The following FAM83D variants were observed in gnomAD, a reference collection of about 807,000 sequenced individuals.
The protein encoded by FAM83D is protein FAM83D.
A neutral mutation model predicts 25.4 loss-of-function variants in FAM83D; 26 were observed. The ratio of observed to expected loss-of-function variants is 1.02; its 90% CI spans 0.75 to 1.42. FAM83D has a LOEUF of 1.42. FAM83D is among the 40% of genes most tolerant of loss of function. The probability of loss-of-function intolerance (pLI) is 0.00; values close to 1 mark genes in which losing one functional copy is unlikely to be tolerated. For missense variants in FAM83D, 740 were observed against 758.1 expected, an observed-to-expected ratio of 0.98 and a Z score of 0.28; for synonymous variants, 310 against 318.5, an observed-to-expected ratio of 0.97 and a Z score of 0.28.
intron 1 of FAM83D, among the ~76,000 whole-genome samples, chr20:38,927,458 G>T (rs552191173): frequency 1.7e-3 from 256 of 150,894 alleles, no homozygotes; most frequent in Middle Eastern, 3.5e-3. Flanking sequence ...ATAAACACGA[G>T]AGTGGCAAAG....
intron 1 of FAM83D, among the ~76,000 whole-genome samples, chr20:38,939,537 G>T (rs1426152851): frequency 1.3e-5 from 2 of 152,122 alleles, no homozygotes; most frequent in East Asian, 3.9e-4. Flanking sequence ...TTTTAGTAGA[G>T]ATGGGGTTTT....
At position 38,930,838 on chromosome 20, in the gene FAM83D, A is replaced by G. The variant is rs375542388; in HGVS notation, c.483+3913A>G. Among the ~76,000 whole-genome samples the G allele has an allele frequency of 1.2e-4, 19 of 152,174 alleles. No individual in the cohort carries two copies. In the East Asian group the frequency reaches 2.9e-3, roughly 23 times the overall value. On this transcript the variant is annotated intron_variant, in intron 1 of 3. Coordinates refer to ENST00000619850, the MANE Select transcript of FAM83D (RefSeq NM_030919.3). ...TTTTTAGTAGAGATGGGGTTTCGCC[A>G]TGTTGGCCAGGCTGGTCTTGATCTC...
intron 1 of FAM83D, among the ~76,000 whole-genome samples, chr20:38,937,768 A>G (rs532165202): frequency 2.6e-5 from 4 of 152,176 alleles, no homozygotes; most frequent in African/African-American, 9.6e-5. Context: ...GAAGTTGGAG[A>G]CCATCCTGGG....
intron 1 of FAM83D, among the ~76,000 whole-genome samples, chr20:38,931,722 TC>T (rs1289224242): frequency 6.6e-6 from 1 of 152,252 alleles, no homozygotes; most frequent in East Asian, 1.9e-4. Context: ...TAGGGCCTAA[TC>T]CTGGCTTTGC....
At chr20:38,942,463 A>G (rs2085707098) in intron 2 of FAM83D, among the ~76,000 whole-genome samples, 1 of 152,260 alleles carries the variant, frequency 6.6e-6, no homozygotes, top group African/African-American at 2.4e-5. Flanking sequence ...ACAATAGCAT[A>G]CTATTCACCT....
At chr20:38,942,425 G>A (rs543610797) in intron 2 of FAM83D, among the ~76,000 whole-genome samples, 2 of 152,348 alleles carry the variant, frequency 1.3e-5, no homozygotes, top group East Asian at 3.9e-4. Context: ...CAACTGATAA[G>A]TGGATAAATG....
chr20:38,929,837 T>A (rs57769897), intron 1 of FAM83D, among the ~76,000 whole-genome samples: 21,696 of 151,642 alleles, frequency 0.14, 1,657 homozygotes, highest in Middle Eastern at 0.19. Context: ...CCAGGCACTG[T>A]TCTAGGTGAT....
At chr20:38,950,541 T>C (rs1234088351) in intron 3 of FAM83D, among the ~76,000 whole-genome samples, 1 of 152,158 alleles carries the variant, frequency 6.6e-6, no homozygotes, top group Non-Finnish European at 1.5e-5. Flanking sequence ...GGTCCTCCAC[T>C]GTTAGTGAGG....
chr20:38,944,677 C>T (rs959293819), intron 2 of FAM83D, among the ~76,000 whole-genome samples: 8 of 152,114 alleles, frequency 5.3e-5, no homozygotes, highest in African/African-American at 1.7e-4. Flanking sequence ...CGGTGGCTTA[C>T]GCCTGTAATC....
intron 2 of FAM83D, among the ~76,000 whole-genome samples, chr20:38,943,521 G>A (rs2145805731): frequency 6.6e-6 from 1 of 152,234 alleles, no homozygotes; most frequent in African/African-American, 2.4e-5. Context: ...ATTACATGCT[G>A]CTGCTGTTCA....
intron 1 of FAM83D, among the ~76,000 whole-genome samples, chr20:38,939,550 C>T (rs997843795): frequency 7.9e-5 from 12 of 152,088 alleles, no homozygotes; most frequent in Admixed American, 2.6e-4. Context: ...GGGGTTTTAC[C>T]GTGTTGGCCG....
At chr20:38,931,243 CT>C (rs1457025263) in intron 1 of FAM83D, among the ~76,000 whole-genome samples, 6 of 152,186 alleles carry the variant, frequency 3.9e-5, no homozygotes, top group African/African-American at 1.4e-4. Context: ...TAGACCTGTC[CT>C]TTTCAGGAAG....
chr20:38,938,981 T>C (rs1881351180), intron 1 of FAM83D, among the ~76,000 whole-genome samples: 1 of 152,230 alleles, frequency 6.6e-6, no homozygotes, highest in East Asian at 1.9e-4. Flanking sequence ...ATTACTCTTA[T>C]ACAGGCAATG....
At chr20:38,927,498 C>CTTTTTTTTTTTTTTTTTT (rs1173092369) in intron 1 of FAM83D, among the ~76,000 whole-genome samples, 2 of 101,418 alleles carry the variant, frequency 2.0e-5, no homozygotes, top group African/African-American at 3.9e-5. Flanking sequence ...TCTTTCTTGT[C>CTTTTTTTTTTTTTTTTTT]TTTTTTTTTT....
At chr20:38,949,551 A>T (rs2085743926) in intron 3 of FAM83D, among the ~76,000 whole-genome samples, 1 of 152,198 alleles carries the variant, frequency 6.6e-6, no homozygotes, top group South Asian at 2.1e-4. Flanking sequence ...TCTTGGTTAC[A>T]GGAGACAGAG....
At chr20:38,951,331 A>T (rs1027678082) in intron 3 of FAM83D, among the ~76,000 whole-genome samples, 1 of 152,210 alleles carries the variant, frequency 6.6e-6, no homozygotes, top group South Asian at 2.1e-4. Context: ...TTTGTTAAAC[A>T]GTTGGCCTTT....
At chr20:38,947,613 C>T (rs968194586) in intron 2 of FAM83D, among the ~76,000 whole-genome samples, 21 of 152,164 alleles carry the variant, frequency 1.4e-4, no homozygotes, top group Non-Finnish European at 1.5e-5. Flanking sequence ...CACATACACG[C>T]ATGAACTAAG....
At chr20:38,951,399 T>C in intron 3 of FAM83D, 140 bp from the exon 4 acceptor site, 1 of 848,620 alleles carries the variant, frequency 1.2e-6, no homozygotes, top group Non-Finnish European at 1.8e-6. Context: ...GTTAAATACA[T>C]GCAAATGGTA....
chr20:38,942,874 C>T (rs1380425286), intron 2 of FAM83D, among the ~76,000 whole-genome samples: 2 of 152,156 alleles, frequency 1.3e-5, no homozygotes, highest in African/African-American at 2.4e-5. Flanking sequence ...TGTCCTGCCT[C>T]TTAATAGAGC....
Sources: allele counts gnomAD v4.1 joint callset (sites outside exome capture counted in the v4.1 genomes callset), GRCh38; gene constraint gnomAD v4.1.1; transcripts MANE v1.5; gene names NCBI Gene and HGNC (gene_info 2026-07-23, HGNC 2026-07-21).